Variants in TSNAX observed in about 807,000 individuals in gnomAD.
The protein encoded by TSNAX is translin associated factor X.
Under a neutral mutation model 33.0 loss-of-function variants are expected in TSNAX, and 12 were observed. That is an observed-to-expected ratio of 0.36 (90% CI 0.23 to 0.59). The LOEUF is 0.59. Ranked by LOEUF, TSNAX falls within the 20% of genes least tolerant of loss-of-function variation. TSNAX has a pLI of 0.74. For synonymous variants in TSNAX, 110 were observed against 117.2 expected, an observed-to-expected ratio of 0.94 and a Z score of 0.40; for missense variants, 267 against 341.3, an observed-to-expected ratio of 0.78 and a Z score of 1.72.
chr1:231,546,393 G>C (rs151326998), intron 4 of TSNAX, among the ~76,000 whole-genome samples: 2,078 of 152,220 alleles, frequency 0.014, 57 homozygotes, highest in African/African-American at 0.047. Flanking sequence ...ATACTAGCAG[G>C]AATAGGATCA....
chr1:231,563,501 G>C lies in TSNAX; in HGVS notation c.496-1027G>C, dbSNP rs146509147. The C allele has an allele frequency of 1.6e-3, 248 of 155,242 alleles. 1 individual carries two copies. Among genetic ancestry groups the C allele is most frequent in the African/African-American group, 3.5e-3 (146 of 41,660 alleles). The allele number at this position is 155,242 out of a possible 1,614,324, so 9.6% of individuals were successfully genotyped here. A position where few individuals can be genotyped will look rare whatever the true frequency, so the allele number is the denominator to read the frequency against. On this transcript the variant is annotated intron_variant, in intron 5 of 5. Transcript: ENST00000366639. Reference sequence around the variant, plus strand: ...GAGGTTTAGAGAGATGAAATAACTTGCCCAAGGGCATACACCTTATGAAGC... The same window carrying C: ...GAGGTTTAGAGAGATGAAATAACTTCCCCAAGGGCATACACCTTATGAAGC...
chr1:231,560,907 G>T (rs78256743), intron 4 of TSNAX, among the ~76,000 whole-genome samples: 5 of 150,874 alleles, frequency 3.3e-5, no homozygotes, highest in African/African-American at 1.2e-4. Context: ...TGATCCACCC[G>T]CCTTGGCCTT....
intron 5 of TSNAX, chr1:231,563,608 A>T (rs1661247453): frequency 6.5e-6 from 1 of 154,644 alleles, no homozygotes; most frequent in African/African-American, 2.4e-5. Context: ...ACAACTCATC[A>T]TCTGAGACTG....
At chr1:231,546,148 CTA>C (rs1313522550) in intron 4 of TSNAX, among the ~76,000 whole-genome samples, 3 of 152,144 alleles carry the variant, frequency 2.0e-5, no homozygotes, top group Non-Finnish European at 2.9e-5. Context: ...AATGTAGACT[CTA>C]TAGATCTCTA....
intron 2 of TSNAX, among the ~76,000 whole-genome samples, chr1:231,530,721 A>AG (rs1459256207): frequency 6.6e-6 from 1 of 151,440 alleles, no homozygotes; most frequent in South Asian, 2.1e-4. Context: ...AAAAAAAAAA[A>AG]AAAAAAAGTA....
At chr1:231,549,046 A>G (rs747921097) in intron 4 of TSNAX, among the ~76,000 whole-genome samples, 12 of 152,194 alleles carry the variant, frequency 7.9e-5, no homozygotes, top group Non-Finnish European at 1.5e-4. Context: ...ACAGATGGGT[A>G]TAGAGGTAGG....
intron 3 of TSNAX, among the ~76,000 whole-genome samples, chr1:231,539,339 G>T (rs1659405191): frequency 6.6e-6 from 1 of 152,132 alleles, no homozygotes; most frequent in South Asian, 2.1e-4. Context: ...AAGTGTTTTG[G>T]ATTTCGGATT....
intron 4 of TSNAX, among the ~76,000 whole-genome samples, chr1:231,552,864 G>A (rs984315910): frequency 2.6e-5 from 4 of 152,094 alleles, no homozygotes; most frequent in Non-Finnish European, 4.4e-5. Context: ...GGCCTCTTGC[G>A]TCTGGTTTCT....
chr1:231,542,579 A>G lies in TSNAX; in HGVS notation c.335A>G (p.Asp112Gly), dbSNP rs1384152627. Residue 112 changes from aspartate to glycine, a missense_variant, in exon 4 of 6, where the codon GAT becomes GGT. This residue lies in a region of TSNAX where 200 missense variants were observed against 214.1 expected (regional missense o/e 0.93). Coordinates refer to ENST00000366639, the MANE Select transcript of TSNAX (RefSeq NM_005999.3). ...FQVAQELSGE[D>G]MHQFHRAITT... Reference sequence around the variant, plus strand: ...GTAGCCCAAGAGCTATCAGGGGAAGATATGCATCAGTTCCATCGAGCCATT... The same window carrying G: ...GTAGCCCAAGAGCTATCAGGGGAAGGTATGCATCAGTTCCATCGAGCCATT... The G allele has an allele frequency of 3.7e-6, 6 of 1,614,036 alleles. No homozygotes were observed. Among genetic ancestry groups the G allele is most frequent in the Non-Finnish European group, 4.2e-6 (5 of 1,179,966 alleles).
chr1:231,529,230 TC>T, intron 1 of TSNAX, 24 bp from the exon 2 acceptor site: 2 of 1,606,222 alleles, frequency 1.2e-6, no homozygotes, highest in Non-Finnish European at 1.7e-6. Flanking sequence ...GGAAGATCCC[TC>T]TCTTTTTTTC....
intron 2 of TSNAX, among the ~76,000 whole-genome samples, chr1:231,533,616 G>T (rs1658937000): frequency 6.6e-6 from 1 of 152,084 alleles, no homozygotes; most frequent in Non-Finnish European, 1.5e-5. Flanking sequence ...TTATTTTGAG[G>T]TAATCTCAAA....
At chr1:231,553,108 A>G (rs566713497) in intron 4 of TSNAX, among the ~76,000 whole-genome samples, 5 of 152,276 alleles carry the variant, frequency 3.3e-5, no homozygotes, top group Non-Finnish European at 7.4e-5. Flanking sequence ...GGGTGTATAT[A>G]CCTAGGAGCG....
At chr1:231,546,702 C>T (rs1313949202) in intron 4 of TSNAX, among the ~76,000 whole-genome samples, 1 of 152,186 alleles carries the variant, frequency 6.6e-6, no homozygotes, top group African/African-American at 2.4e-5. Flanking sequence ...ACTTAACAAA[C>T]TAGAAATCGT....
chr1:231,565,032 T>C lies in TSNAX; in HGVS notation c.*127T>C. 2 of 1,155,098 alleles carry C rather than the reference T, an allele frequency of 1.7e-6. No individual in the cohort carries two copies. The highest frequency in any genetic ancestry group is 2.4e-6 in the Non-Finnish European group (2 of 836,136). The allele number at this position is 1,155,098 out of a possible 1,614,324, so 71.6% of individuals were successfully genotyped here. On this transcript the variant is annotated 3_prime_UTR_variant, in exon 6 of 6. Coordinates refer to ENST00000366639, the MANE Select transcript of TSNAX (RefSeq NM_005999.3). ...AGAAACATATTCAGTTGTACTTGTT[T>C]TAAATTGTATACAAGCTGTACATAA... is the stretch of plus-strand genomic sequence containing the variant.
intron 4 of TSNAX, among the ~76,000 whole-genome samples, chr1:231,551,290 T>G (rs1660276188): frequency 6.6e-6 from 1 of 152,182 alleles, no homozygotes; most frequent in Admixed American, 6.5e-5. Context: ...CTGTGAGGTC[T>G]CCTTGTAAGA....
At chr1:231,540,464 A>T (rs1448920283) in intron 3 of TSNAX, among the ~76,000 whole-genome samples, 2 of 152,154 alleles carry the variant, frequency 1.3e-5, no homozygotes, top group African/African-American at 4.8e-5. Flanking sequence ...TTTCCAGACG[A>T]CTTTCTGATA....
rs139483828 is a variant in TSNAX, at chr1:231,548,294, C to T, written c.367+5683C>T. ...TTCTGTATAAACCCTACTATGTAAA[C>T]AGATGCCTGCACTTTACAGATGAGA... On this transcript the variant is annotated intron_variant, in intron 4 of 5. Coordinates refer to ENST00000366639, the MANE Select transcript of TSNAX (RefSeq NM_005999.3). Among the ~76,000 whole-genome samples the T allele has an allele frequency of 9.3e-3, 1,418 of 152,306 alleles. 29 individuals carry two copies. The highest frequency in any genetic ancestry group is 0.032 in the African/African-American group (1,319 of 41,566).
chr1:231,535,667 A>G (rs1020261565), intron 2 of TSNAX: 2 of 152,244 alleles, frequency 1.3e-5, no homozygotes, highest in Admixed American at 1.3e-4. Flanking sequence ...GATAGAAACA[A>G]AAGTATTCCA....
intron 3 of TSNAX, among the ~76,000 whole-genome samples, chr1:231,540,589 G>T (rs2124899414): frequency 6.6e-6 from 1 of 152,302 alleles, no homozygotes. Context: ...GGTAAATGTT[G>T]TGTGTGCACT....
Sources: allele counts gnomAD v4.1 joint callset (sites outside exome capture counted in the v4.1 genomes callset), GRCh38; gene constraint gnomAD v4.1.1; regional missense constraint gnomAD v4.1.1; transcripts MANE v1.5; gene names NCBI Gene and HGNC (gene_info 2026-07-23, HGNC 2026-07-21).